TSPAN4: variants seen among roughly 807,000 people sequenced by gnomAD.
The protein encoded by TSPAN4 is tetraspanin 4.
Under a neutral mutation model 31.5 loss-of-function variants are expected in TSPAN4, and 38 were observed. That is an observed-to-expected ratio of 1.21 (90% CI 0.93 to 1.58). The LOEUF is 1.58. Ranked by LOEUF, TSPAN4 falls within the 40% of genes most tolerant of loss-of-function variation. The pLI is 0.00. For missense variants in TSPAN4, 330 were observed against 317.3 expected (o/e 1.04, Z -0.30); for synonymous variants, 186 against 144.6 (o/e 1.29, Z -2.06).
intron 1 of TSPAN4, among the ~76,000 whole-genome samples, chr11:845,532 C>G (rs1407541819): frequency 1.3e-5 from 2 of 152,186 alleles, no homozygotes; most frequent in African/African-American, 4.8e-5. Context: ...TGCAGCTGCC[C>G]AGGCCTGATG....
In TSPAN4 at chr11:866,823, C is replaced by G. The variant is rs1848881104; in HGVS notation, c.*193C>G. ...CAGGTGGCTTCAGGGCCTCCGGACC[C>G]CCCCTGGGAGGGGTGGCCACGTGCT... On this transcript the variant is annotated 3_prime_UTR_variant, in exon 9 of 9. Coordinates refer to ENST00000397397, the MANE Select transcript of TSPAN4 (RefSeq NM_003271.5). The G allele has an allele frequency of 1.7e-6, 1 of 588,004 alleles. No homozygotes were observed. Among genetic ancestry groups the G allele is most frequent in the South Asian group, 2.3e-5 (1 of 42,690 alleles). 36.4% of individuals were successfully genotyped at this position (588,004 alleles called of 1,614,324 possible).
At chr11:850,428 C>A in intron 3 of TSPAN4, 61 bp downstream of exon 3, 2 of 1,483,050 alleles carry the variant, frequency 1.3e-6, no homozygotes, top group South Asian at 1.2e-5. Context: ...CGCGGCGGGT[C>A]GCGGGGTCTG....
intron 1 of TSPAN4, among the ~76,000 whole-genome samples, chr11:845,695 C>T (rs551221396): frequency 3.9e-5 from 6 of 152,104 alleles, no homozygotes; most frequent in Admixed American, 6.5e-5. Context: ...CCTTCACCCC[C>T]GACTCCCAGC....
chr11:855,600 C>A (rs1399819133), intron 3 of TSPAN4, among the ~76,000 whole-genome samples: 1 of 152,156 alleles, frequency 6.6e-6, no homozygotes, highest in African/African-American at 2.4e-5. Context: ...CATCTCTGGG[C>A]CCTGGGGTCC....
chr11:844,823 G>A (rs993397548), intron 1 of TSPAN4, among the ~76,000 whole-genome samples: 1 of 152,096 alleles, frequency 6.6e-6, no homozygotes, highest in Non-Finnish European at 1.5e-5. Flanking sequence ...GGGCTCCCCC[G>A]GCTGCTTCCT....
chr11:849,232 ATC>A (rs1847486587), intron 2 of TSPAN4, among the ~76,000 whole-genome samples: 1 of 152,124 alleles, frequency 6.6e-6, no homozygotes, highest in East Asian at 1.9e-4. Context: ...GGGGGTGGGT[ATC>A]TCAGGAATCA....
intron 5 of TSPAN4, 79 bp from the exon 6 acceptor site, chr11:865,434 T>A: frequency 8.4e-7 from 1 of 1,195,422 alleles, no homozygotes; most frequent in Non-Finnish European, 1.2e-6. Flanking sequence ...GGGCCCAGCT[T>A]AGGGGCCGGC....
chr11:866,702 C>T lies in TSPAN4; in HGVS notation c.*72C>T, dbSNP rs1848873192. 3 of 1,428,984 alleles carry T rather than the reference C, an allele frequency of 2.1e-6. No individual in the cohort carries two copies. Among genetic ancestry groups the T allele is most frequent in the Admixed American group, 3.8e-5 (2 of 52,238 alleles). The allele number at this position is 1,428,984 out of a possible 1,614,324, so 88.5% of individuals were successfully genotyped here. ...TGGCCGCACCCACAGCTGCCTTTCC[C>T]ACCACCAGCCTCGGTGCTCTGCCCC... On this transcript the variant is annotated 3_prime_UTR_variant, in exon 9 of 9. Coordinates refer to ENST00000397397, the MANE Select transcript of TSPAN4 (RefSeq NM_003271.5).
chr11:863,052 CG>C, intron 4 of TSPAN4: 1 of 268,438 alleles, frequency 3.7e-6, no homozygotes, highest in East Asian at 6.9e-5. Context: ...CACGTACACA[CG>C]CATGCGCAGC....
At chr11:855,797 C>T (rs1332033464) in intron 3 of TSPAN4, among the ~76,000 whole-genome samples, 1 of 152,212 alleles carries the variant, frequency 6.6e-6, no homozygotes, top group Non-Finnish European at 1.5e-5. Context: ...CCCGCCAGCC[C>T]AGAGGGTCCT....
At chr11:858,975 C>T (rs1848240981) in intron 3 of TSPAN4, among the ~76,000 whole-genome samples, 1 of 132,476 alleles carries the variant, frequency 7.5e-6, no homozygotes, top group Admixed American at 7.4e-5. Flanking sequence ...ACACATGCAC[C>T]CCGGCTCACA....
intron 3 of TSPAN4, among the ~76,000 whole-genome samples, chr11:859,276 C>T (rs1454177861): frequency 8.9e-6 from 1 of 112,532 alleles, no homozygotes; most frequent in African/African-American, 3.6e-5. Context: ...CTGGCCCACA[C>T]GCACCTTGGC....
intron 4 of TSPAN4, chr11:864,123 T>C: frequency 2.2e-6 from 1 of 460,020 alleles, no homozygotes; most frequent in Non-Finnish European, 4.0e-6. Flanking sequence ...GGCTGGGGCC[T>C]CAGGAACAGG....
Position 866,985 on chromosome 11 carries a change from G to A in TSPAN4, c.*355G>A, listed in dbSNP as rs960375502. On this transcript the variant is annotated 3_prime_UTR_variant, in exon 9 of 9. Coordinates refer to ENST00000397397, the MANE Select transcript of TSPAN4 (RefSeq NM_003271.5). ...AAAACAGGTTGGCGCTGGAGGAGCC[G>A]GGTCTTGGCATCCTGGAGGTGGCCC... is the stretch of plus-strand genomic sequence containing the variant. 5.2e-5 allele frequency: 11 copies of A among 212,298 alleles called. No individual in the cohort carries two copies. The highest frequency in any genetic ancestry group is 2.5e-4 in the South Asian group (2 of 8,146). The allele number at this position is 212,298 out of a possible 1,614,324, so 13.2% of individuals were successfully genotyped here.
In TSPAN4 at chr11:866,708, C is replaced by G; in HGVS notation, c.*78C>G. ...CACCCACAGCTGCCTTTCCCACCAC[C>G]AGCCTCGGTGCTCTGCCCCATGCTG... On this transcript the variant is annotated 3_prime_UTR_variant, in exon 9 of 9. Coordinates refer to ENST00000397397, the MANE Select transcript of TSPAN4 (RefSeq NM_003271.5). 1 of 1,380,506 alleles carries G rather than the reference C, an allele frequency of 7.2e-7. No homozygotes were observed. The highest frequency in any genetic ancestry group is 9.9e-7 in the Non-Finnish European group (1 of 1,007,658). The allele number at this position is 1,380,506 out of a possible 1,614,324, so 85.5% of individuals were successfully genotyped here.
At chr11:866,027 C>G (rs781523651) in intron 8 of TSPAN4, 26 bp downstream of exon 8, 1 of 1,608,534 alleles carries the variant, frequency 6.2e-7, no homozygotes, top group South Asian at 1.1e-5. Flanking sequence ...CTGCGGGCTC[C>G]CTGCCCCCAC....
Position 862,782 on chromosome 11 carries a change from G to A in TSPAN4, c.255+41G>A, listed in dbSNP as rs752397595. 11 of 1,548,462 alleles carry A rather than the reference G, an allele frequency of 7.1e-6. No homozygotes were observed. The African/African-American group carries it at 9.6e-5, about 14-fold the overall frequency. ...CAAGCGATGCTCCGGGTGGGACCAC[G>A]CAGGGTGGGGCTCCGGTGGCCCCCA... is the stretch of plus-strand genomic sequence containing the variant. On this transcript the variant is annotated intron_variant, in intron 4 of 8. Transcript: ENST00000397397.
chr11:854,475 A>C (rs559480980), intron 3 of TSPAN4, among the ~76,000 whole-genome samples: 1 of 140,512 alleles, frequency 7.1e-6, no homozygotes, highest in Non-Finnish European at 1.6e-5. Context: ...GAAATGTGGG[A>C]GGCCTCTCAG....
Position 847,521 on chromosome 11 carries a change from C to CTG in TSPAN4, c.-18+224_-18+225dup, listed in dbSNP as rs1847383937. The stretch of plus-strand genomic sequence containing the variant: ...GACCCTCCCCGACTGAGCTCTGACA[C>CTG]TGTGCCTTGCCCGGGCCCCTGACTG... On this transcript the variant is annotated intron_variant, in intron 2 of 8. Transcript: ENST00000397397. 3.9e-5 allele frequency among the ~76,000 whole-genome samples: 6 copies of CTG among 152,170 alleles called. No homozygotes were observed. In the South Asian group the frequency reaches 1.2e-3, roughly 31 times the overall value.
Sources: gnomAD v4.1 joint callset for allele counts (sites outside exome capture counted in the v4.1 genomes callset) on GRCh38, gnomAD v4.1.1 for gene constraint, MANE v1.5 for transcripts, NCBI Gene and HGNC (gene_info 2026-07-23, HGNC 2026-07-21) for gene names.